The following CSMD1 variants were observed in gnomAD, a reference collection of about 807,000 sequenced individuals.
CSMD1 encodes the protein CUB and sushi domain-containing protein 1.
In CSMD1, 213 loss-of-function variants were observed where a neutral mutation model predicts 417.5. That is an observed-to-expected ratio of 0.51 (90% CI 0.46 to 0.57). The LOEUF is 0.57. Among genes scored for constraint, CSMD1 ranks in the 20% least tolerant of loss-of-function variants. The pLI is 0.00. For synonymous variants in CSMD1, 2,862 were observed against 1,736.8 expected, an observed-to-expected ratio of 1.65 and a Z score of -16.11; for missense variants, 6,923 against 4,529.7, an observed-to-expected ratio of 1.53 and a Z score of -15.17.
At chr8:4,807,782 C>G (rs1057385996) in intron 1 of CSMD1, among the ~76,000 whole-genome samples, 55 of 152,176 alleles carry the variant, frequency 3.6e-4, no homozygotes, top group Non-Finnish European at 6.3e-4. Context: ...AGCTCTATAT[C>G]TGACATAGAA....
chr8:4,131,662 T>A (rs1803111741), intron 3 of CSMD1, among the ~76,000 whole-genome samples: 1 of 152,028 alleles, frequency 6.6e-6, no homozygotes, highest in Non-Finnish European at 1.5e-5. Flanking sequence ...AAACTTAAAA[T>A]GTTAGATAGA....
intron 25 of CSMD1, among the ~76,000 whole-genome samples, chr8:3,290,974 C>T (rs1563231982): frequency 6.6e-6 from 1 of 152,068 alleles, no homozygotes; most frequent in Non-Finnish European, 1.5e-5. Flanking sequence ...TCATAGATAG[C>T]TCTTATTATT....
chr8:3,250,770 C>T (rs10092966), intron 26 of CSMD1, among the ~76,000 whole-genome samples: 118,452 of 152,054 alleles, frequency 0.78, 46,744 homozygotes, highest in Non-Finnish European at 0.85. Context: ...TGGTGTGAGA[C>T]GATATCTCAT....
At chr8:3,271,084 C>T (rs1191555837) in intron 26 of CSMD1, among the ~76,000 whole-genome samples, 1 of 122,976 alleles carries the variant, frequency 8.1e-6, no homozygotes. Flanking sequence ...CCCCCTCCCC[C>T]CACCCCACAA....
chr8:2,959,713 G>A (rs1803296736), intron 62 of CSMD1, among the ~76,000 whole-genome samples: 1 of 152,158 alleles, frequency 6.6e-6, no homozygotes, highest in African/African-American at 2.4e-5. Context: ...ATTTCACACT[G>A]AAATGGCTCA....
intron 3 of CSMD1, among the ~76,000 whole-genome samples, chr8:4,131,410 G>C (rs559459037): frequency 6.6e-6 from 1 of 152,006 alleles, no homozygotes; most frequent in Non-Finnish European, 1.5e-5. Flanking sequence ...TGAGCTATTT[G>C]TACCACCTCT....
chr8:3,744,363 G>C (rs1033622308), intron 6 of CSMD1, among the ~76,000 whole-genome samples: 4 of 152,088 alleles, frequency 2.6e-5, no homozygotes, highest in Non-Finnish European at 5.9e-5. Context: ...TACTAAACAG[G>C]GCACAGCAGG....
intron 23 of CSMD1, among the ~76,000 whole-genome samples, chr8:3,330,410 C>A (rs201309823): frequency 5.3e-5 from 8 of 152,232 alleles, no homozygotes; most frequent in Non-Finnish European, 1.2e-4. Context: ...GAATACTACA[C>A]AGCCATAAAA....
At chr8:4,032,984 T>G (rs941624174) in intron 3 of CSMD1, among the ~76,000 whole-genome samples, 6 of 152,010 alleles carry the variant, frequency 3.9e-5, no homozygotes, top group Admixed American at 1.3e-4. Context: ...ACTGACAATC[T>G]GTTTGCGGAA....
At chr8:2,965,202 T>C (rs1419124807) in intron 59 of CSMD1, among the ~76,000 whole-genome samples, 1 of 152,214 alleles carries the variant, frequency 6.6e-6, no homozygotes, top group Non-Finnish European at 1.5e-5. Context: ...TCTGCTTTAC[T>C]GAAGCCACCT....
At chr8:4,142,663 G>C (rs1803861174) in intron 3 of CSMD1, among the ~76,000 whole-genome samples, 2 of 151,008 alleles carry the variant, frequency 1.3e-5, no homozygotes. Context: ...AACTGATTCT[G>C]GCCGTGGCTT....
At chr8:4,182,097 C>G (rs1798413574) in intron 3 of CSMD1, among the ~76,000 whole-genome samples, 1 of 151,606 alleles carries the variant, frequency 6.6e-6, no homozygotes, top group South Asian at 2.1e-4. Flanking sequence ...ACCTGAATAG[C>G]ATTTCAATGC....
chr8:3,798,019 C>A (rs1380558399), intron 5 of CSMD1, among the ~76,000 whole-genome samples: 1 of 151,922 alleles, frequency 6.6e-6, no homozygotes. Context: ...TGTTGATAAA[C>A]TTTTCAGGTG....
At position 3,589,414 on chromosome 8, in the gene CSMD1, G is replaced by C. The variant is rs140264569; in HGVS notation, c.1098-3154C>G. On this transcript the variant is annotated intron_variant, in intron 8 of 69. Transcript: ENST00000635120. ...TGTGTGTGTGTGTGTGTTCACGCGT[G>C]TGTGTACACAATGGAATACTATTCA... Among the ~76,000 whole-genome samples the C allele has an allele frequency of 2.7e-3, 415 of 151,816 alleles. 3 individuals carry two copies. Among genetic ancestry groups the C allele is most frequent in the African/African-American group, 9.7e-3 (401 of 41,208 alleles).
intron 3 of CSMD1, among the ~76,000 whole-genome samples, chr8:4,146,791 T>C (rs1305811621): frequency 6.7e-6 from 1 of 149,526 alleles, no homozygotes; most frequent in Non-Finnish European, 1.5e-5. Context: ...TTTTGTATTT[T>C]TAGTAGAGAC....
intron 1 of CSMD1, among the ~76,000 whole-genome samples, chr8:4,863,674 T>G (rs759401863): frequency 1.3e-5 from 2 of 152,072 alleles, no homozygotes; most frequent in Non-Finnish European, 2.9e-5. Flanking sequence ...TGAATCTAAA[T>G]GTGTGCATAT....
intron 4 of CSMD1, among the ~76,000 whole-genome samples, chr8:4,021,048 G>C (rs142273412): frequency 1.5e-4 from 23 of 152,308 alleles, no homozygotes; most frequent in African/African-American, 5.3e-4. Flanking sequence ...ATAAAACCCA[G>C]TGACAGCATC....
rs73658495 is a variant in CSMD1 at position 4,227,443 on chromosome 8, T to A, written c.415+192510A>T. On this transcript the variant is annotated intron_variant, in intron 3 of 69. Coordinates refer to ENST00000635120, the MANE Select transcript of CSMD1 (RefSeq NM_033225.6). ...TAAGAACCCTATGGTCAAAGCCTAG[T>A]GTATGACATTCAGAACAAGAAAAGT... is the stretch of plus-strand genomic sequence containing the variant. 1.9e-3 allele frequency among the ~76,000 whole-genome samples: 290 copies of A among 152,214 alleles called. 3 individuals are homozygous for A. The highest frequency in any genetic ancestry group is 6.7e-3 in the African/African-American group (280 of 41,516).
intron 9 of CSMD1, among the ~76,000 whole-genome samples, chr8:3,582,649 A>G (rs372623643): frequency 6.2e-4 from 94 of 152,334 alleles, no homozygotes; most frequent in African/African-American, 2.1e-3. Flanking sequence ...GAGATGAGCT[A>G]TGCTCTAAGT....
Sources: allele counts gnomAD v4.1 joint callset (sites outside exome capture counted in the v4.1 genomes callset), GRCh38; gene constraint gnomAD v4.1.1; transcripts MANE v1.5; gene names NCBI Gene and HGNC (gene_info 2026-07-23, HGNC 2026-07-21).